The following LAMA3 variants were observed in gnomAD, a reference collection of about 807,000 sequenced individuals.
The protein encoded by LAMA3 is laminin subunit alpha-3.
LAMA3 carries 281 observed loss-of-function variants against 402.0 expected under a neutral mutation model. That is an observed-to-expected ratio of 0.70 (90% CI 0.63 to 0.77). The LOEUF is 0.77. Among genes scored for constraint, LAMA3 ranks in the 30% least tolerant of loss-of-function variants. The probability of loss-of-function intolerance (pLI) is 0.00; values close to 1 mark genes in which losing one functional copy is unlikely to be tolerated. For synonymous variants in LAMA3, 1,431 were observed against 1,558.4 expected, an observed-to-expected ratio of 0.92 and a Z score of 1.93; for missense variants, 3,840 against 4,215.5, an observed-to-expected ratio of 0.91 and a Z score of 2.47.
At chr18:23,792,836 G>C (rs2062686338) in intron 12 of LAMA3, among the ~76,000 whole-genome samples, 1 of 152,134 alleles carries the variant, frequency 6.6e-6, no homozygotes, top group Non-Finnish European at 1.5e-5. Context: ...CTGCCCGATA[G>C]GTCTGCTCAG....
Position 23,931,104 on chromosome 18 carries a change from T to C in LAMA3, c.8479T>C (p.Leu2827=). The C allele has an allele frequency of 2.5e-6, 4 of 1,613,776 alleles. No homozygotes were observed. Among genetic ancestry groups the C allele is most frequent in the Non-Finnish European group, 2.5e-6 (3 of 1,179,654 alleles). ...CACTCTGGAAGATGGTTACATTGAA[T>C]TGAGCACCAGCGATAGCGGCGGCCC... is the stretch of plus-strand genomic sequence containing the variant. ...QVTLEDGYIE[L]STSDSGGPIF... The change falls in exon 65 of 75, where the codon TTG becomes CTG. Residue 2827 remains leucine (L), a synonymous_variant. Transcript: ENST00000313654.
intron 18 of LAMA3, among the ~76,000 whole-genome samples, chr18:23,818,707 C>T (rs2063225034): frequency 6.6e-6 from 1 of 152,006 alleles, no homozygotes; most frequent in African/African-American, 2.4e-5. Flanking sequence ...CAGAGATAAC[C>T]CCTTTTTAAT....
chr18:23,783,967 A>G, intron 11 of LAMA3, 56 bp from the exon 12 acceptor site: 1 of 1,606,380 alleles, frequency 6.2e-7, no homozygotes. Context: ...GAAGGGAGAA[A>G]TTAAGAAAGT....
intron 2 of LAMA3, among the ~76,000 whole-genome samples, chr18:23,732,259 G>A (rs760510780): frequency 6.6e-5 from 10 of 152,170 alleles, no homozygotes; most frequent in Non-Finnish European, 1.3e-4. Context: ...GAGGAGCTGA[G>A]GCAAAGGCTG....
Position 23,946,460 on chromosome 18 carries a change from A to G in LAMA3, c.9351+176A>G, listed in dbSNP as rs748678863. ...GAGTAAGTGCCCATTTCTTAACCCA[A>G]AGCCTTCATTTCTAAGGTGCAGGTT... On this transcript the variant is annotated intron_variant, in intron 70 of 74. Transcript: ENST00000313654. 5.4e-6 allele frequency: 4 copies of G among 745,658 alleles called. No homozygotes were observed. In the South Asian group the frequency reaches 6.7e-5, roughly 13 times the overall value. The allele number at this position is 745,658 out of a possible 1,614,324, so 46.2% of individuals were successfully genotyped here.
chr18:23,953,010 C>G lies in LAMA3; in HGVS notation c.9757C>G (p.Leu3253Val), dbSNP rs754930340. The change falls in exon 74 of 75, where the codon CTG becomes GTG. Residue 3253 changes from leucine to valine, a missense_variant. Transcript: ENST00000313654. ...CCCAGTCACCATAAAACAACACATC[C>G]TGCACCTGGAACTGGACACAGACAG... is the stretch of plus-strand genomic sequence containing the variant. ...SVAVTIKQHILHLELDTDSSY... is the reference protein window; with the variant it reads ...SVAVTIKQHIVHLELDTDSSY... 40 of 1,614,154 alleles carry G rather than the reference C, an allele frequency of 2.5e-5. No homozygotes were observed. In the East Asian group the frequency reaches 8.9e-4, roughly 36 times the overall value.
intron 32 of LAMA3, among the ~76,000 whole-genome samples, chr18:23,853,363 T>C (rs900782485): frequency 2.0e-5 from 3 of 152,062 alleles, no homozygotes; most frequent in Admixed American, 2.0e-4. Flanking sequence ...AACCTCTGCC[T>C]CCAGGGTTCA....
intron 70 of LAMA3, 128 bp downstream of exon 70, chr18:23,946,412 T>C: frequency 9.3e-7 from 1 of 1,070,790 alleles, no homozygotes; most frequent in Non-Finnish European, 1.4e-6. Context: ...TTTAAGGATC[T>C]AATTAATGTT....
rs376705705 is a variant in LAMA3, at chr18:23,747,922, G to A, written c.448-21G>A. 116 of 1,291,474 alleles carry A rather than the reference G, an allele frequency of 9.0e-5. 1 individual carries two copies. Among genetic ancestry groups the A allele is most frequent in the Admixed American group, 6.5e-4 (39 of 59,556 alleles). 80.0% of individuals were successfully genotyped at this position (1,291,474 alleles called of 1,614,324 possible). On this transcript the variant is annotated intron_variant, in intron 2 of 74. Coordinates refer to ENST00000313654, the MANE Select transcript of LAMA3 (RefSeq NM_198129.4). ...AATCGATGAGATGACATTAATAACT[G>A]TATCTCTTTTGTTTTATCAGCTCTT...
At chr18:23,950,200 C>T in intron 72 of LAMA3, 41 bp downstream of exon 72, 2 of 1,612,818 alleles carry the variant, frequency 1.2e-6, no homozygotes, top group Non-Finnish European at 1.7e-6. Flanking sequence ...TCTGTAGAAA[C>T]CAGCTTCAAT....
At position 23,842,620 on chromosome 18, in the gene LAMA3, A is replaced by AT; in HGVS notation, c.3474dup (p.Ala1159CysfsTer21). Reference sequence around the variant, plus strand: ...TCTCTCTCTCTGCCAGGCTCCTTCCATGCCTCTTTTTGCCCCCATGTGCTT... The same window carrying AT: ...TCTCTCTCTCTGCCAGGCTCCTTCCATTGCCTCTTTTTGCCCCCATGTGCTT... On this transcript the variant is annotated frameshift_variant, in exon 29 of 75. Coordinates refer to ENST00000313654, the MANE Select transcript of LAMA3 (RefSeq NM_198129.4). LOFTEE classifies it high-confidence loss of function. The AT allele has an allele frequency of 1.2e-6, 2 of 1,614,056 alleles. No individual in the cohort carries two copies. The highest frequency in any genetic ancestry group is 1.7e-6 in the Non-Finnish European group (2 of 1,180,026).
At chr18:23,806,691 C>T (rs543989533) in intron 12 of LAMA3, among the ~76,000 whole-genome samples, 24 of 152,216 alleles carry the variant, frequency 1.6e-4, no homozygotes, top group Non-Finnish European at 3.4e-4. Context: ...CCCACTTTAA[C>T]AGCAGATACT....
At chr18:23,690,964 T>C (rs1477394675) in intron 1 of LAMA3, among the ~76,000 whole-genome samples, 1 of 151,870 alleles carries the variant, frequency 6.6e-6, no homozygotes, top group Non-Finnish European at 1.5e-5. Flanking sequence ...CAAGCTGGTC[T>C]CAAACTCTTA....
chr18:23,850,947 A>T (rs908864913), intron 32 of LAMA3, among the ~76,000 whole-genome samples: 1 of 152,244 alleles, frequency 6.6e-6, no homozygotes, highest in African/African-American at 2.4e-5. Flanking sequence ...AGCCACGTGT[A>T]CCTCATGCCT....
Position 23,900,174 on chromosome 18 carries a change from G to A in LAMA3, c.6004+719G>A, listed in dbSNP as rs866596618. Among the ~76,000 whole-genome samples the A allele has an allele frequency of 3.9e-5, 6 of 152,152 alleles. No homozygotes were observed. In the South Asian group the frequency reaches 8.3e-4, roughly 21 times the overall value. Reference sequence around the variant, plus strand: ...CAACCTTCACCTCCTGAGTTCAAGCGGTTCTCATGCCTCAGACTGAGCAAT... The same window carrying A: ...CAACCTTCACCTCCTGAGTTCAAGCAGTTCTCATGCCTCAGACTGAGCAAT... On this transcript the variant is annotated intron_variant, in intron 47 of 74. Transcript: ENST00000313654.
intron 12 of LAMA3, among the ~76,000 whole-genome samples, chr18:23,797,419 A>T (rs2062785836): frequency 6.6e-6 from 1 of 152,056 alleles, no homozygotes; most frequent in Non-Finnish European, 1.5e-5. Flanking sequence ...TGCTTTAAAA[A>T]CTTTCAAAAT....
chr18:23,908,017 TAA>T (rs971131939), intron 54 of LAMA3, 82 bp downstream of exon 54: 2 of 1,371,154 alleles, frequency 1.5e-6, no homozygotes, highest in African/African-American at 2.8e-5. Context: ...TCTTCCCTGG[TAA>T]AGTCTGATCT....
intron 65 of LAMA3, 77 bp from the exon 66 acceptor site, chr18:23,932,083 G>T: frequency 6.5e-7 from 1 of 1,533,436 alleles, no homozygotes; most frequent in South Asian, 1.1e-5. Flanking sequence ...CTGAGTCTTA[G>T]ACAGTGAGTT....
chr18:23,907,286 C>G (rs1046056531), intron 52 of LAMA3, among the ~76,000 whole-genome samples: 12 of 152,178 alleles, frequency 7.9e-5, no homozygotes, highest in African/African-American at 2.9e-4. Flanking sequence ...GAAGTTTAGC[C>G]TTCCCCAAGT....
Sources: gnomAD v4.1 joint callset for allele counts (sites outside exome capture counted in the v4.1 genomes callset) on GRCh38, gnomAD v4.1.1 for gene constraint, MANE v1.5 for transcripts, NCBI Gene and HGNC (gene_info 2026-07-23, HGNC 2026-07-21) for gene names.